RABL6: variants seen among roughly 807,000 people sequenced by gnomAD.
RABL6 encodes rab-like protein 6.
Under a neutral mutation model 72.9 loss-of-function variants are expected in RABL6, and 28 were observed. That is an observed-to-expected ratio of 0.38 (90% confidence interval 0.28 to 0.53). The LOEUF (loss-of-function observed/expected upper bound fraction) is 0.53. Among genes scored for constraint, RABL6 ranks in the 20% least tolerant of loss-of-function variants. The probability of loss-of-function intolerance (pLI) is 0.80; values close to 1 mark genes in which losing one functional copy is unlikely to be tolerated. For missense variants in RABL6, 1,029 were observed against 1,008.4 expected (o/e 1.02, Z -0.28); for synonymous variants, 477 against 421.2 (o/e 1.13, Z -1.62).
intron 6 of RABL6, 38 bp from the exon 7 acceptor site, chr9:136,832,227 G>C (rs773492407): frequency 6.4e-7 from 1 of 1,563,748 alleles, no homozygotes; most frequent in South Asian, 1.1e-5. Flanking sequence ...CCAGGGCAAG[G>C]GTCTTTCTCT....
At chr9:136,813,367 C>G (rs1848053551) in intron 1 of RABL6, 1 of 953,580 alleles carries the variant, frequency 1.0e-6, no homozygotes, top group African/African-American at 1.6e-5. Flanking sequence ...TGAAGAGTTT[C>G]TTCTGTTGCA....
rs757011968 is a variant in RABL6, at chr9:136,839,683, C to T, written c.1759-11C>T. The T allele has an allele frequency of 2.7e-5, 42 of 1,572,532 alleles. No homozygotes were observed. Among genetic ancestry groups the T allele is most frequent in the Admixed American group, 3.5e-5 (2 of 57,422 alleles). On this transcript the variant is annotated splice_polypyrimidine_tract_variant and intron_variant, in intron 12 of 14. Coordinates refer to ENST00000311502, the MANE Select transcript of RABL6 (RefSeq NM_024718.5). ...GGATGATGGCCTGACCAGTTGCTCT[C>T]CCTGCTCCAGGATGACTTTCCCGTG...
rs765000452 is a variant in RABL6, at chr9:136,839,273, C to T, written c.1545C>T (p.Thr515=). 6.3e-5 allele frequency: 102 copies of T among 1,608,678 alleles called. No individual in the cohort carries two copies. The South Asian group carries it at 7.8e-4, about 12-fold the overall frequency. ...GGAGGGGGACAGCTCCCACGAGGAC[C>T]GCAGCACCCCCCTGGCCAGGCGGTG... ...KPRRGTAPTR[T]AAPPWPGGVS... The change falls in exon 12 of 15, where the codon ACC becomes ACT. Residue 515 remains threonine (T), a synonymous_variant. Coordinates refer to ENST00000311502, the MANE Select transcript of RABL6 (RefSeq NM_024718.5).
intron 1 of RABL6, chr9:136,821,683 C>A: frequency 1.0e-6 from 1 of 996,206 alleles, no homozygotes; most frequent in South Asian, 4.2e-5. Flanking sequence ...GGGCCTGGCT[C>A]CCTCCTGGCT....
At chr9:136,811,190 G>T (rs1288815731) in intron 1 of RABL6, among the ~76,000 whole-genome samples, 1 of 152,206 alleles carries the variant, frequency 6.6e-6, no homozygotes, top group Non-Finnish European at 1.5e-5. Context: ...TGCCCAAGGT[G>T]GAGGGCACAG....
chr9:136,835,638 G>A, intron 7 of RABL6, 104 bp from the exon 8 acceptor site: 1 of 1,013,102 alleles, frequency 9.9e-7, no homozygotes, highest in East Asian at 2.6e-5. Context: ...GCATCTCCTG[G>A]TTTTGGCAGC....
chr9:136,815,215 T>C, intron 1 of RABL6: 1 of 314,264 alleles, frequency 3.2e-6, no homozygotes. Flanking sequence ...TGTCCCTTCT[T>C]GCCAGGAGCT....
In RABL6 at chr9:136,841,156, C is replaced by G; in HGVS notation, c.*634C>G. 2.4e-6 allele frequency: 2 copies of G among 844,992 alleles called. No homozygotes were observed. Among genetic ancestry groups the G allele is most frequent in the Non-Finnish European group, 1.7e-6 (1 of 594,238 alleles). The allele number at this position is 844,992 out of a possible 1,614,324, so 52.3% of individuals were successfully genotyped here. A position where few individuals can be genotyped will look rare whatever the true frequency, so the allele number is the denominator to read the frequency against. ...GGAGGCACTCCTCCCAAACACTCCA[C>G]TCAGACCATAAAGCACTCCTGTTTC... On this transcript the variant is annotated 3_prime_UTR_variant, in exon 15 of 15. Coordinates refer to ENST00000311502, the MANE Select transcript of RABL6 (RefSeq NM_024718.5).
chr9:136,810,375 A>G (rs999044082), intron 1 of RABL6, among the ~76,000 whole-genome samples: 5 of 152,352 alleles, frequency 3.3e-5, no homozygotes, highest in African/African-American at 9.6e-5. Context: ...AGAACAGGTT[A>G]TGATCTCCTA....
chr9:136,824,675 C>A (rs1457480665), intron 2 of RABL6, among the ~76,000 whole-genome samples: 7 of 151,132 alleles, frequency 4.6e-5, no homozygotes, highest in Non-Finnish European at 1.0e-4. Context: ...AAAAAAAAAA[C>A]TAGTGGGTTA....
Position 136,840,806 on chromosome 9 carries a change from G to T in RABL6, c.*284G>T. The stretch of plus-strand genomic sequence containing the variant: ...GGGCAGAGCCGCCAGTGTTTCTCAG[G>T]GATGTGACTGAGGCCCAGGAGGGAC... On this transcript the variant is annotated 3_prime_UTR_variant, in exon 15 of 15. Transcript: ENST00000311502. 1 of 1,547,412 alleles carries T rather than the reference G, an allele frequency of 6.5e-7. No individual in the cohort carries two copies. The highest frequency in any genetic ancestry group is 8.7e-7 in the Non-Finnish European group (1 of 1,146,810).
At chr9:136,839,191 A>G (rs1161309534) in intron 11 of RABL6, 31 bp from the exon 12 acceptor site, 1 of 1,594,946 alleles carries the variant, frequency 6.3e-7, no homozygotes. Context: ...CCTCCAGAGG[A>G]CCCTGACTGA....
At chr9:136,836,752 C>G (rs1848591062) in intron 8 of RABL6, 1 of 166,242 alleles carries the variant, frequency 6.0e-6, no homozygotes, top group South Asian at 1.4e-4. Flanking sequence ...GGTCCAGTTG[C>G]TGCCATCTGG....
At chr9:136,810,426 T>G (rs1470364945) in intron 1 of RABL6, among the ~76,000 whole-genome samples, 2 of 152,236 alleles carry the variant, frequency 1.3e-5, no homozygotes, top group African/African-American at 4.8e-5. Context: ...AAATTTGAAT[T>G]TGTACCTAAA....
chr9:136,820,044 A>G (rs1237604661), intron 1 of RABL6, among the ~76,000 whole-genome samples: 1 of 152,054 alleles, frequency 6.6e-6, no homozygotes, highest in Non-Finnish European at 1.5e-5. Context: ...CTCTACTAAA[A>G]TACAGAAAAT....
chr9:136,823,513 TCCCGTC>T lies in RABL6; in HGVS notation c.131-8_131-3del. The T allele has an allele frequency of 6.2e-7, 1 of 1,613,184 alleles. No homozygotes were observed. Among genetic ancestry groups the T allele is most frequent in the Non-Finnish European group, 8.5e-7 (1 of 1,179,646 alleles). On this transcript the variant is annotated splice_polypyrimidine_tract_variant and splice_region_variant and intron_variant, in intron 1 of 14. Coordinates refer to ENST00000311502, the MANE Select transcript of RABL6 (RefSeq NM_024718.5). ...TTTAATTTGCCTTTTCTTTTTCTCT[TCCCGTC>T]CCCAGTGAAGATAGTGATCCGGGGA...
chr9:136,817,045 C>T (rs989027906), intron 1 of RABL6, among the ~76,000 whole-genome samples: 1 of 151,950 alleles, frequency 6.6e-6, no homozygotes, highest in Non-Finnish European at 1.5e-5. Flanking sequence ...ATTATAAATA[C>T]AAAAAACCAT....
At chr9:136,821,784 T>G in intron 1 of RABL6, 10 of 1,171,444 alleles carry the variant, frequency 8.5e-6, no homozygotes, top group Non-Finnish European at 1.1e-5. Context: ...GCCTCTGTTC[T>G]CCAAGTTCTC....
At chr9:136,823,742 G>C in intron 2 of RABL6, 83 bp downstream of exon 2, 8 of 1,457,948 alleles carry the variant, frequency 5.5e-6, no homozygotes, top group Non-Finnish European at 6.4e-6. Flanking sequence ...GCATTCCCCA[G>C]AGGGGGTCTC....
Sources: allele counts gnomAD v4.1 joint callset (sites outside exome capture counted in the v4.1 genomes callset), GRCh38; gene constraint gnomAD v4.1.1; transcripts MANE v1.5; gene names NCBI Gene and HGNC (gene_info 2026-07-23, HGNC 2026-07-21).